NELL1: variants seen among roughly 807,000 people sequenced by gnomAD.
The protein encoded by NELL1 is protein kinase C-binding protein NELL1.
In NELL1, 76 loss-of-function variants were observed where a neutral mutation model predicts 107.4. That is an observed-to-expected ratio of 0.71 (90% CI 0.59 to 0.86). The LOEUF is 0.86. Among genes scored for constraint, NELL1 ranks in the 40% least tolerant of loss-of-function variants. NELL1 has a pLI of 0.00. For synonymous variants in NELL1, 353 were observed against 341.2 expected (o/e 1.03, Z -0.38); for missense variants, 1,024 against 1,005.5 (o/e 1.02, Z -0.25).
intron 13 of NELL1, among the ~76,000 whole-genome samples, chr11:21,174,161 A>G (rs1020430212): frequency 2.0e-5 from 3 of 151,692 alleles, no homozygotes; most frequent in African/African-American, 7.3e-5. Context: ...GAGTGGTCAT[A>G]TATTTTTCAT....
chr11:21,347,318 C>T (rs999035627), intron 14 of NELL1, among the ~76,000 whole-genome samples: 11 of 152,076 alleles, frequency 7.2e-5, no homozygotes, highest in African/African-American at 1.2e-4. Flanking sequence ...AAAATCATAA[C>T]GGGGCTGGTC....
At chr11:21,308,203 A>G (rs150675599) in intron 14 of NELL1, among the ~76,000 whole-genome samples, 3 of 152,194 alleles carry the variant, frequency 2.0e-5, no homozygotes, top group African/African-American at 4.8e-5. Flanking sequence ...GAGATAATGT[A>G]TGCGAAGGAG....
chr11:20,689,803 T>C (rs907867171), intron 2 of NELL1, among the ~76,000 whole-genome samples: 3 of 151,774 alleles, frequency 2.0e-5, no homozygotes, highest in African/African-American at 7.3e-5. Flanking sequence ...ATATACTCAG[T>C]AATGGGATGG....
intron 12 of NELL1, among the ~76,000 whole-genome samples, chr11:21,104,373 C>T (rs976053788): frequency 6.6e-6 from 1 of 152,142 alleles, no homozygotes; most frequent in African/African-American, 2.4e-5. Flanking sequence ...CCAGTGCCAG[C>T]TAGAAATTCG....
chr11:21,145,676 G>A (rs564583339), intron 13 of NELL1, among the ~76,000 whole-genome samples: 2 of 152,216 alleles, frequency 1.3e-5, no homozygotes, highest in East Asian at 1.9e-4. Context: ...AGTAAGACAT[G>A]CCCAAGAAAA....
intron 15 of NELL1, among the ~76,000 whole-genome samples, chr11:21,425,556 T>C (rs1238208852): frequency 6.6e-6 from 1 of 152,158 alleles, no homozygotes; most frequent in Non-Finnish European, 1.5e-5. Flanking sequence ...GTCTGAGTGA[T>C]GCCTTTGCTA....
chr11:20,799,466 T>G (rs1344523489), intron 3 of NELL1, among the ~76,000 whole-genome samples: 1 of 152,250 alleles, frequency 6.6e-6, no homozygotes, highest in East Asian at 1.9e-4. Context: ...TCATAATTTA[T>G]AAAACTATAA....
chr11:20,797,839 G>A (rs1857205050), intron 3 of NELL1, among the ~76,000 whole-genome samples: 1 of 152,124 alleles, frequency 6.6e-6, no homozygotes, highest in Non-Finnish European at 1.5e-5. Flanking sequence ...TAATCATTGT[G>A]CTGTGTGTGT....
At chr11:21,120,278 T>C (rs1312442091) in intron 13 of NELL1, among the ~76,000 whole-genome samples, 1 of 152,184 alleles carries the variant, frequency 6.6e-6, no homozygotes, top group Non-Finnish European at 1.5e-5. Flanking sequence ...AGGCTAGGTC[T>C]CTGGAATATG....
chr11:21,222,206 G>T (rs549328003), intron 13 of NELL1, among the ~76,000 whole-genome samples: 1 of 152,164 alleles, frequency 6.6e-6, no homozygotes, highest in Non-Finnish European at 1.5e-5. Context: ...TTTTGAGAGA[G>T]TCTTGCTCTG....
At chr11:21,006,172 G>A (rs1331028730) in intron 12 of NELL1, among the ~76,000 whole-genome samples, 10 of 152,034 alleles carry the variant, frequency 6.6e-5, no homozygotes, top group Admixed American at 6.6e-4. Context: ...TTTATGTGTT[G>A]AAAGCTTAAT....
At chr11:20,991,394 A>G (rs186594123) in intron 12 of NELL1, among the ~76,000 whole-genome samples, 1 of 152,328 alleles carries the variant, frequency 6.6e-6, no homozygotes, top group East Asian at 1.9e-4. Context: ...TGCCTTCTAA[A>G]ATTAATAATA....
At chr11:21,511,852 G>T (rs1855443295) in intron 15 of NELL1, among the ~76,000 whole-genome samples, 1 of 152,110 alleles carries the variant, frequency 6.6e-6, no homozygotes, top group Admixed American at 6.6e-5. Flanking sequence ...TCATAATATT[G>T]TTCAAAGCTC....
chr11:20,897,869 T>C (rs1564956345), intron 5 of NELL1, among the ~76,000 whole-genome samples: 1 of 152,138 alleles, frequency 6.6e-6, no homozygotes, highest in Non-Finnish European at 1.5e-5. Flanking sequence ...CACAATGAGA[T>C]ACCATCTCAC....
chr11:21,474,611 C>T (rs960381368), intron 15 of NELL1, among the ~76,000 whole-genome samples: 1 of 152,042 alleles, frequency 6.6e-6, no homozygotes, highest in African/African-American at 2.4e-5. Context: ...GATTTGTACC[C>T]CTGTCCCTTT....
At chr11:21,327,922 A>G (rs1481877163) in intron 14 of NELL1, among the ~76,000 whole-genome samples, 1 of 152,170 alleles carries the variant, frequency 6.6e-6, no homozygotes, top group Non-Finnish European at 1.5e-5. Flanking sequence ...GATTTAGGGT[A>G]TCTGGGGAAG....
chr11:21,414,417 A>T (rs1852453466), intron 15 of NELL1, among the ~76,000 whole-genome samples: 1 of 152,100 alleles, frequency 6.6e-6, no homozygotes, highest in African/African-American at 2.4e-5. Context: ...GTGTATATAC[A>T]TTATGAACAT....
At chr11:20,896,233 T>C (rs1005151164) in intron 5 of NELL1, among the ~76,000 whole-genome samples, 1 of 152,144 alleles carries the variant, frequency 6.6e-6, no homozygotes, top group African/African-American at 2.4e-5. Context: ...GAACATACAA[T>C]ATTTGGTTTT....
chr11:20,970,362 T>C (rs1342730983), intron 12 of NELL1, among the ~76,000 whole-genome samples: 2 of 152,144 alleles, frequency 1.3e-5, no homozygotes, highest in African/African-American at 4.8e-5. Flanking sequence ...TAATTGACCA[T>C]CTATTGTGGC....
Sources: allele counts gnomAD v4.1 joint callset (sites outside exome capture counted in the v4.1 genomes callset), GRCh38; gene constraint gnomAD v4.1.1; transcripts MANE v1.5; gene names NCBI Gene and HGNC (gene_info 2026-07-23, HGNC 2026-07-21).